Variants in PDE3A observed in about 807,000 individuals in gnomAD.
The protein encoded by PDE3A is phosphodiesterase 3A, also known as cGMP-inhibited 3',5'-cyclic phosphodiesterase 3A.
A neutral mutation model predicts 98.3 loss-of-function variants in PDE3A; 43 were observed. The observed-to-expected ratio is 0.44, with a 90% CI of 0.34 to 0.56. The LOEUF (loss-of-function observed/expected upper bound fraction) is 0.56, where lower values mean the gene tolerates loss of function less well. Among genes scored for constraint, PDE3A ranks in the 20% least tolerant of loss-of-function variants. The pLI is 0.01. For missense variants in PDE3A, 1,427 were observed against 1,440.7 expected, an observed-to-expected ratio of 0.99 and a Z score of 0.15; for synonymous variants, 663 against 567.9, an observed-to-expected ratio of 1.17 and a Z score of -2.38.
At chr12:20,662,754 A>C (rs1388948319) in intron 15 of PDE3A, among the ~76,000 whole-genome samples, 1 of 152,228 alleles carries the variant, frequency 6.6e-6, no homozygotes, top group Admixed American at 6.5e-5. Context: ...GAGCATAAAA[A>C]TTCAGAAAAT....
intron 5 of PDE3A, among the ~76,000 whole-genome samples, chr12:20,622,561 G>T (rs1218866301): frequency 1.3e-5 from 2 of 152,044 alleles, no homozygotes; most frequent in South Asian, 4.1e-4. Context: ...TTGTCACTTA[G>T]AAGTCATTAT....
intron 4 of PDE3A, among the ~76,000 whole-genome samples, chr12:20,620,931 A>C (rs2121479338): frequency 6.6e-6 from 1 of 152,254 alleles, no homozygotes; most frequent in African/African-American, 2.4e-5. Flanking sequence ...CAGCTTATGT[A>C]AATTCACCCG....
chr12:20,391,634 T>C (rs778231034), intron 1 of PDE3A, among the ~76,000 whole-genome samples: 5 of 151,700 alleles, frequency 3.3e-5, no homozygotes, highest in Admixed American at 1.3e-4. Flanking sequence ...AAAACATCAG[T>C]GCTGTTGTAT....
intron 1 of PDE3A, chr12:20,551,556 C>G (rs964580377): frequency 1.4e-6 from 2 of 1,440,550 alleles, no homozygotes; most frequent in South Asian, 2.5e-5. Flanking sequence ...TAACTAGTTA[C>G]GCGACCCCCG....
At chr12:20,575,254 ATTAG>A (rs149664746) in intron 2 of PDE3A, among the ~76,000 whole-genome samples, 3,258 of 152,098 alleles carry the variant, frequency 0.021, 98 homozygotes, top group African/African-American at 0.074. Context: ...CGACATTCTT[ATTAG>A]TTAGCATCAA....
In PDE3A at chr12:20,449,483, C is replaced by T. The variant is rs139290819; in HGVS notation, c.960+79239C>T. ...ATCCTTTATTTACAGGTTGCCTAGA[C>T]GACTTTTGATTAAGAAAACTGTAGA... On this transcript the variant is annotated intron_variant, in intron 1 of 15. Transcript: ENST00000359062. 1.2e-4 allele frequency among the ~76,000 whole-genome samples: 19 copies of T among 152,112 alleles called. No homozygotes were observed. In the East Asian group the frequency reaches 1.5e-3, roughly 12 times the overall value.
chr12:20,578,092 T>A (rs1275923760), intron 2 of PDE3A, among the ~76,000 whole-genome samples: 1 of 152,226 alleles, frequency 6.6e-6, no homozygotes, highest in South Asian at 2.1e-4. Context: ...AGATCACTTA[T>A]GCATTAGGTT....
At chr12:20,482,308 C>A (rs1591976900) in intron 1 of PDE3A, among the ~76,000 whole-genome samples, 3 of 150,234 alleles carry the variant, frequency 2.0e-5, no homozygotes, top group Non-Finnish European at 4.4e-5. Context: ...TATTTTTGTT[C>A]CAGAATAACT....
Position 20,680,276 on chromosome 12 carries a change from G to A in PDE3A, c.*5G>A. The A allele has an allele frequency of 6.2e-7, 1 of 1,613,488 alleles. No homozygotes were observed. The highest frequency in any genetic ancestry group is 8.5e-7 in the Non-Finnish European group (1 of 1,179,640). On this transcript the variant is annotated 3_prime_UTR_variant, in exon 16 of 16. Coordinates refer to ENST00000359062, the MANE Select transcript of PDE3A (RefSeq NM_000921.5). ...ACCCAAAAGCCAGACCAGTGACAATGGATAGAATGGGCTGTGTTTCCAAAC... is the reference window on the plus strand; with the variant it reads ...ACCCAAAAGCCAGACCAGTGACAATAGATAGAATGGGCTGTGTTTCCAAAC...
intron 1 of PDE3A, among the ~76,000 whole-genome samples, chr12:20,522,083 G>A (rs776590913): frequency 3.9e-5 from 6 of 151,968 alleles, no homozygotes; most frequent in Non-Finnish European, 7.4e-5. Flanking sequence ...ACAAATCTTC[G>A]GGCTGTCCAC....
At position 20,648,798 on chromosome 12, in the gene PDE3A, G is replaced by C. The variant is rs1223027311; in HGVS notation, c.2676G>C (p.Val892=). ...ACTTCTTAATTAACCTTGACCATGT[G>C]GAATTTAAGCATTTCCGTTTCCTTG... ...EYNFLINLDH[V]EFKHFRFLVI... Residue 892 remains valine, a synonymous_variant, in exon 13 of 16, where the codon GTG becomes GTC. Transcript: ENST00000359062. 6.2e-7 allele frequency: 1 copy of C among 1,613,376 alleles called. No homozygotes were observed. The highest frequency in any genetic ancestry group is 1.1e-5 in the South Asian group (1 of 91,072).
At chr12:20,449,484 G>A (rs185700208) in intron 1 of PDE3A, among the ~76,000 whole-genome samples, 1 of 151,970 alleles carries the variant, frequency 6.6e-6, no homozygotes, top group African/African-American at 2.4e-5. Context: ...TTGCCTAGAC[G>A]ACTTTTGATT....
chr12:20,634,671 T>C (rs760958908), intron 7 of PDE3A, among the ~76,000 whole-genome samples: 3 of 152,144 alleles, frequency 2.0e-5, no homozygotes, highest in Non-Finnish European at 2.9e-5. Flanking sequence ...AAAATATTAT[T>C]GAGGGGTTAT....
chr12:20,466,983 A>C (rs943554796), intron 1 of PDE3A, among the ~76,000 whole-genome samples: 2 of 152,166 alleles, frequency 1.3e-5, no homozygotes, highest in African/African-American at 4.8e-5. Flanking sequence ...AGAAATAAGC[A>C]CATATTTTAT....
chr12:20,581,456 A>G (rs1301888292), intron 2 of PDE3A, among the ~76,000 whole-genome samples: 4 of 152,204 alleles, frequency 2.6e-5, no homozygotes, highest in Admixed American at 2.6e-4. Context: ...CCAAATGTCT[A>G]CTACCACCTC....
At chr12:20,469,599 T>C (rs756496019) in intron 1 of PDE3A, among the ~76,000 whole-genome samples, 1 of 152,198 alleles carries the variant, frequency 6.6e-6, no homozygotes, top group Non-Finnish European at 1.5e-5. Context: ...TCCTATGTTG[T>C]CGATAATAAT....
At chr12:20,388,947 T>A in intron 1 of PDE3A, among the ~76,000 whole-genome samples, 1 of 152,092 alleles carries the variant, frequency 6.6e-6, no homozygotes. Context: ...TGAAGAGCTG[T>A]ACAATTTTGC....
chr12:20,650,249 T>C (rs544970463), intron 13 of PDE3A, among the ~76,000 whole-genome samples, 196 bp from the exon 14 acceptor site: 1,603 of 85,734 alleles, frequency 0.019, 26 homozygotes, highest in Middle Eastern at 0.023. Flanking sequence ...AATTCGTTAT[T>C]TTACTTTTTT....
At chr12:20,475,592 T>C (rs1365918969) in intron 1 of PDE3A, among the ~76,000 whole-genome samples, 1 of 151,894 alleles carries the variant, frequency 6.6e-6, no homozygotes, top group East Asian at 1.9e-4. Context: ...TAGCCAGACA[T>C]GTTGGCACAT....
Sources: allele counts gnomAD v4.1 joint callset (sites outside exome capture counted in the v4.1 genomes callset), GRCh38; gene constraint gnomAD v4.1.1; transcripts MANE v1.5; gene names NCBI Gene and HGNC (gene_info 2026-07-23, HGNC 2026-07-21).